ARL15: variants seen among roughly 807,000 people sequenced by gnomAD.
ARL15 encodes the protein ARF like GTPase 15.
A neutral mutation model predicts 25.2 loss-of-function variants in ARL15; 19 were observed. The observed-to-expected ratio is 0.75, with a 90% CI of 0.53 to 1.10. ARL15 has a LOEUF of 1.10. Among genes scored for constraint, ARL15 ranks in the 50% least tolerant of loss-of-function variants. ARL15 has a pLI of 0.00. For missense variants in ARL15, 220 were observed against 246.0 expected (o/e 0.89, Z 0.71); for synonymous variants, 94 against 86.8 (o/e 1.08, Z -0.46).
intron 2 of ARL15, among the ~76,000 whole-genome samples, chr5:54,170,036 G>C (rs1214126307): frequency 6.6e-6 from 1 of 152,100 alleles, no homozygotes; most frequent in African/African-American, 2.4e-5. Flanking sequence ...GCCGGCAAAA[G>C]CTGACGTGAA....
Position 53,924,573 on chromosome 5 carries a change from G to A in ARL15, c.463-37860C>T, listed in dbSNP as rs539955153. ...GCCAAAGTTGGCTAGGAGGGTTGAGGGCATGAACCTAGACGCCTAACATTT... is the reference window on the plus strand; with the variant it reads ...GCCAAAGTTGGCTAGGAGGGTTGAGAGCATGAACCTAGACGCCTAACATTT... On this transcript the variant is annotated intron_variant, in intron 4 of 4. Transcript: ENST00000504924. 3.9e-5 allele frequency among the ~76,000 whole-genome samples: 6 copies of A among 152,256 alleles called. No individual in the cohort carries two copies. The South Asian group carries it at 1.2e-3, about 32-fold the overall frequency.
At chr5:54,236,260 G>A (rs1756802389) in intron 1 of ARL15, among the ~76,000 whole-genome samples, 1 of 152,118 alleles carries the variant, frequency 6.6e-6, no homozygotes, top group South Asian at 2.1e-4. Flanking sequence ...CTGAGATACT[G>A]TCATAGTTAT....
intron 4 of ARL15, among the ~76,000 whole-genome samples, chr5:53,948,448 T>C (rs546886191): frequency 6.6e-6 from 1 of 152,248 alleles, no homozygotes; most frequent in Non-Finnish European, 1.5e-5. Context: ...ATAAATTCGG[T>C]ATTTGCGTAA....
intron 3 of ARL15, among the ~76,000 whole-genome samples, chr5:54,113,615 T>C (rs1019013913): frequency 3.3e-5 from 5 of 152,236 alleles, no homozygotes; most frequent in African/African-American, 1.2e-4. Context: ...TAGGTAGATT[T>C]GGCCTTGAAG....
At chr5:53,899,347 CAAAAAAAAAAAAAAA>C (rs59145507) in intron 4 of ARL15, among the ~76,000 whole-genome samples, 25 of 89,376 alleles carry the variant, frequency 2.8e-4, no homozygotes, top group African/African-American at 7.1e-4. Flanking sequence ...GACTCTATCC[CAAAAAAAAAAAAAAA>C]AAAAAAAAAA....
At chr5:54,115,860 G>A (rs1752883240) in intron 3 of ARL15, among the ~76,000 whole-genome samples, 1 of 152,162 alleles carries the variant, frequency 6.6e-6, no homozygotes, top group South Asian at 2.1e-4. Context: ...TGGAACTAAG[G>A]AAACAGCAGG....
intron 4 of ARL15, among the ~76,000 whole-genome samples, chr5:54,011,767 T>C (rs1193840229): frequency 6.6e-6 from 1 of 152,116 alleles, no homozygotes; most frequent in Non-Finnish European, 1.5e-5. Context: ...TCCCAGCACT[T>C]TGGGAAACCG....
chr5:54,071,402 A>C (rs966754116), intron 4 of ARL15, among the ~76,000 whole-genome samples: 4 of 152,108 alleles, frequency 2.6e-5, no homozygotes, highest in Non-Finnish European at 4.4e-5. Flanking sequence ...TCACTCCCAT[A>C]AGATTTCAAA....
chr5:53,934,527 C>G (rs780794428), intron 4 of ARL15, among the ~76,000 whole-genome samples: 1 of 152,176 alleles, frequency 6.6e-6, no homozygotes, highest in African/African-American at 2.4e-5. Context: ...ACATTAAACT[C>G]TTACCACTAG....
chr5:54,148,670 A>G (rs185970433), intron 3 of ARL15, among the ~76,000 whole-genome samples: 82 of 152,304 alleles, frequency 5.4e-4, no homozygotes, highest in Non-Finnish European at 9.1e-4. Context: ...GTCAATTGCG[A>G]AGACACCACT....
chr5:54,120,316 A>G (rs146386741), intron 3 of ARL15, among the ~76,000 whole-genome samples: 8 of 152,314 alleles, frequency 5.3e-5, no homozygotes, highest in South Asian at 2.1e-4. Context: ...CATATTTACA[A>G]TGAAACTTCA....
chr5:53,929,826 A>C (rs1256115220), intron 4 of ARL15, among the ~76,000 whole-genome samples: 2 of 152,196 alleles, frequency 1.3e-5, no homozygotes, highest in Non-Finnish European at 2.9e-5. Flanking sequence ...GCAAATGGGA[A>C]ATAAAGGTAC....
intron 4 of ARL15, among the ~76,000 whole-genome samples, chr5:53,973,917 C>A (rs1413287345): frequency 1.3e-5 from 2 of 151,222 alleles, no homozygotes; most frequent in Non-Finnish European, 2.9e-5. Context: ...TATATGTGGG[C>A]ATATAATAAA....
intron 4 of ARL15, among the ~76,000 whole-genome samples, chr5:54,001,524 C>T (rs774615793): frequency 9.9e-5 from 15 of 152,122 alleles, no homozygotes; most frequent in Non-Finnish European, 1.9e-4. Context: ...AAATAATGAC[C>T]TCTCCTTTTA....
At chr5:54,236,372 C>A (rs1273597967) in intron 1 of ARL15, among the ~76,000 whole-genome samples, 1 of 151,358 alleles carries the variant, frequency 6.6e-6, no homozygotes, top group Non-Finnish European at 1.5e-5. Context: ...TTAATCTCAA[C>A]TGGAAGTGGC....
At chr5:54,261,170 G>A (rs995557779) in intron 1 of ARL15, among the ~76,000 whole-genome samples, 1 of 152,122 alleles carries the variant, frequency 6.6e-6, no homozygotes, top group Non-Finnish European at 1.5e-5. Context: ...TCATTAGCAA[G>A]ACAGCATTGC....
Position 54,197,671 on chromosome 5 carries a change from A to T in ARL15, c.49-25743T>A, listed in dbSNP as rs146208429. On this transcript the variant is annotated intron_variant, in intron 1 of 4. Coordinates refer to ENST00000504924, the MANE Select transcript of ARL15 (RefSeq NM_019087.3). ...AATAATCAATAGCTTACCAACCAAA[A>T]AGAGTCCAGGACCAGATGGATTCAC... is the stretch of plus-strand genomic sequence containing the variant. Among the ~76,000 whole-genome samples, 2,026 of 152,246 alleles carry T rather than the reference A, an allele frequency of 0.013. 81 individuals are homozygous for T. The East Asian group carries it at 0.16, about 12-fold the overall frequency.
chr5:54,107,609 T>A (rs908071509), intron 4 of ARL15, among the ~76,000 whole-genome samples: 9 of 151,936 alleles, frequency 5.9e-5, no homozygotes, highest in Non-Finnish European at 1.0e-4. Context: ...AGTGGGAGAA[T>A]GAGACTGTGA....
At chr5:54,262,846 A>T (rs1277983721) in intron 1 of ARL15, among the ~76,000 whole-genome samples, 2 of 152,210 alleles carry the variant, frequency 1.3e-5, no homozygotes, top group Non-Finnish European at 2.9e-5. Flanking sequence ...GAAACCAGAT[A>T]ATGAAATTCA....
Sources: gnomAD v4.1 joint callset for allele counts (sites outside exome capture counted in the v4.1 genomes callset) on GRCh38, gnomAD v4.1.1 for gene constraint, MANE v1.5 for transcripts, NCBI Gene and HGNC (gene_info 2026-07-23, HGNC 2026-07-21) for gene names.